The following ASXL2 variants were observed in gnomAD, a reference collection of about 807,000 sequenced individuals.
ASXL2 encodes the protein putative Polycomb group protein ASXL2.
In ASXL2, 23 loss-of-function variants were observed where a neutral mutation model predicts 122.0. The ratio of observed to expected loss-of-function variants is 0.19; its 90% CI spans 0.14 to 0.27. The LOEUF (loss-of-function observed/expected upper bound fraction) is 0.27. Ranked by LOEUF, ASXL2 falls within the 10% of genes least tolerant of loss-of-function variation. The pLI, the probability that ASXL2 is intolerant of heterozygous loss-of-function variation, is 1.00. For missense variants in ASXL2, 1,518 were observed against 1,713.8 expected (o/e 0.89, Z 2.02); for synonymous variants, 650 against 637.0 (o/e 1.02, Z -0.31).
intron 2 of ASXL2, among the ~76,000 whole-genome samples, chr2:25,843,814 TAAAAAAA>T (rs541446675): frequency 3.5e-5 from 3 of 86,546 alleles, no homozygotes; most frequent in African/African-American, 4.7e-5. Flanking sequence ...CTCCATCTCT[TAAAAAAA>T]AAAAAAAAAA....
intron 3 of ASXL2, chr2:25,810,735 C>G: frequency 6.7e-6 from 4 of 601,172 alleles, no homozygotes; most frequent in South Asian, 1.5e-5. Context: ...ACCAGTGTAT[C>G]AAGTCTTGCC....
At chr2:25,855,259 C>A (rs1378648538) in intron 1 of ASXL2, among the ~76,000 whole-genome samples, 1 of 152,098 alleles carries the variant, frequency 6.6e-6, no homozygotes, top group Non-Finnish European at 1.5e-5. Context: ...AACTTGGTAA[C>A]AGGCCAGGCG....
intron 9 of ASXL2, among the ~76,000 whole-genome samples, chr2:25,757,520 C>A: frequency 6.9e-6 from 1 of 144,974 alleles, no homozygotes. Context: ...CACACACACA[C>A]AAAAACTAGC....
chr2:25,752,465 T>C (rs534422721), intron 11 of ASXL2, among the ~76,000 whole-genome samples: 3 of 152,348 alleles, frequency 2.0e-5, no homozygotes, highest in Admixed American at 6.5e-5. Flanking sequence ...TTGGTTCTAA[T>C]AGTCCACATT....
At chr2:25,837,508 GTA>G (rs2089525482) in intron 2 of ASXL2, among the ~76,000 whole-genome samples, 1 of 152,146 alleles carries the variant, frequency 6.6e-6, no homozygotes, top group South Asian at 2.1e-4. Flanking sequence ...GATGGAGGAT[GTA>G]TCCTTTTGTT....
rs773369956 is a variant in ASXL2, at chr2:25,845,324, T to C, written c.140+157A>G. The C allele has an allele frequency of 1.4e-5, 17 of 1,242,500 alleles. No homozygotes were observed. The African/African-American group carries it at 1.4e-4, about 10-fold the overall frequency. 77.0% of individuals were successfully genotyped at this position (1,242,500 alleles called of 1,614,324 possible). ...TTAAAACTTTCTGGTTTTAAAACTATGTAATGACTTAAAAAATGCCAAAGA... is the reference window on the plus strand; with the variant it reads ...TTAAAACTTTCTGGTTTTAAAACTACGTAATGACTTAAAAAATGCCAAAGA... On this transcript the variant is annotated intron_variant, in intron 2 of 12. Transcript: ENST00000435504.
At chr2:25,761,786 A>AT (rs2088252213) in intron 8 of ASXL2, among the ~76,000 whole-genome samples, 1 of 152,126 alleles carries the variant, frequency 6.6e-6, no homozygotes, top group African/African-American at 2.4e-5. Flanking sequence ...CCACTAATCT[A>AT]TAAAGGCATG....
chr2:25,841,306 G>A (rs989413865), intron 2 of ASXL2, among the ~76,000 whole-genome samples: 2 of 151,972 alleles, frequency 1.3e-5, no homozygotes, highest in African/African-American at 4.8e-5. Context: ...AGAGAAAAAA[G>A]TGCCATTTGA....
chr2:25,809,204 A>G (rs2089129299), intron 3 of ASXL2, among the ~76,000 whole-genome samples: 1 of 152,104 alleles, frequency 6.6e-6, no homozygotes, highest in Admixed American at 6.5e-5. Flanking sequence ...TAAGGGGCAC[A>G]TGATCCATTC....
At chr2:25,867,343 C>G (rs1212400668) in intron 1 of ASXL2, among the ~76,000 whole-genome samples, 1 of 152,090 alleles carries the variant, frequency 6.6e-6, no homozygotes, top group Non-Finnish European at 1.5e-5. Context: ...TGCAGAGGCT[C>G]ACACTTGTAA....
intron 3 of ASXL2, among the ~76,000 whole-genome samples, chr2:25,820,078 ATTATT>A (rs1257527741): frequency 6.6e-6 from 1 of 152,040 alleles, no homozygotes; most frequent in African/African-American, 2.4e-5. Context: ...TACCTGGCTA[ATTATT>A]TTATTTTATT....
chr2:25,755,996 A>C, intron 10 of ASXL2, 22 bp downstream of exon 10: 1 of 1,589,288 alleles, frequency 6.3e-7, no homozygotes, highest in Non-Finnish European at 8.6e-7. Context: ...CACCTGGGAG[A>C]CACATTAAGT....
At chr2:25,768,595 T>C (rs1162623747) in intron 7 of ASXL2, 147 bp downstream of exon 7, 3 of 880,794 alleles carry the variant, frequency 3.4e-6, no homozygotes, top group Non-Finnish European at 4.9e-6. Context: ...CCATTTATCC[T>C]GGATTTATAT....
In ASXL2 at chr2:25,806,442, G is replaced by C. The variant is rs979917179; in HGVS notation, c.144-105C>G. ...AAAATTAATTAGTCAATACTCCTTT[G>C]ACTTAAACATATCTTATAAACTATA... On this transcript the variant is annotated intron_variant, in intron 3 of 12. Coordinates refer to ENST00000435504, the MANE Select transcript of ASXL2 (RefSeq NM_018263.6). The C allele has an allele frequency of 4.4e-6, 3 of 677,854 alleles. No homozygotes were observed. The Admixed American group carries it at 8.1e-5, about 18-fold the overall frequency. 42.0% of individuals were successfully genotyped at this position (677,854 alleles called of 1,614,324 possible).
Position 25,878,377 on chromosome 2 carries a change from G to A in ASXL2, c.-155C>T. The A allele has an allele frequency of 1.5e-6, 1 of 675,004 alleles. No homozygotes were observed. Among genetic ancestry groups the A allele is most frequent in the Non-Finnish European group, 2.5e-6 (1 of 403,418 alleles). The allele number at this position is 675,004 out of a possible 1,614,324, so 41.8% of individuals were successfully genotyped here. A position where few individuals can be genotyped will look rare whatever the true frequency, so the allele number is the denominator to read the frequency against. On this transcript the variant is annotated 5_prime_UTR_variant, in exon 1 of 13. Transcript: ENST00000435504. ...GCACCCAAGCAGAGGAAGCGGCGGG[G>A]GTGGTGCGCGGGGGGGTCTATGGGG...
chr2:25,816,575 A>G (rs1280687131), intron 3 of ASXL2, among the ~76,000 whole-genome samples: 5 of 152,236 alleles, frequency 3.3e-5, no homozygotes, highest in African/African-American at 9.6e-5. Context: ...AGCCTACAAC[A>G]AAGTCTAGCT....
At chr2:25,812,013 A>G (rs2149177285) in intron 3 of ASXL2, among the ~76,000 whole-genome samples, 1 of 152,154 alleles carries the variant, frequency 6.6e-6, no homozygotes, top group African/African-American at 2.4e-5. Context: ...TCAGCCTCCC[A>G]AAGTGCTGGG....
chr2:25,813,429 A>T (rs2089195593), intron 3 of ASXL2, among the ~76,000 whole-genome samples: 1 of 152,254 alleles, frequency 6.6e-6, no homozygotes, highest in African/African-American at 2.4e-5. Flanking sequence ...ACAATGAAAC[A>T]TATGAATACT....
chr2:25,749,851 TC>T lies in ASXL2; in HGVS notation c.1704del (p.Lys569SerfsTer11). On this transcript the variant is annotated frameshift_variant, in exon 12 of 13. Transcript: ENST00000435504. LOFTEE classifies it high-confidence loss of function. ...GCCTCTTCTTGGGTGAGGGAAGACTTCCTCTTGAGGCTTTCTGGGCTCTGAT... is the reference window on the plus strand; with the variant it reads ...GCCTCTTCTTGGGTGAGGGAAGACTTCTCTTGAGGCTTTCTGGGCTCTGAT... ...LVDQSPESLK[R>X]KSSLTQEEAP... The T allele has an allele frequency of 6.2e-7, 1 of 1,610,412 alleles. No homozygotes were observed. Among genetic ancestry groups the T allele is most frequent in the Non-Finnish European group, 8.5e-7 (1 of 1,178,800 alleles).
Sources: allele counts gnomAD v4.1 joint callset (sites outside exome capture counted in the v4.1 genomes callset), GRCh38; gene constraint gnomAD v4.1.1; transcripts MANE v1.5; gene names NCBI Gene and HGNC (gene_info 2026-07-23, HGNC 2026-07-21).